The following TAFA2 variants were observed in gnomAD, a reference collection of about 807,000 sequenced individuals.
TAFA2 encodes the protein TAFA chemokine like family member 2.
In TAFA2, 7 loss-of-function variants were observed where a neutral mutation model predicts 18.8. The observed-to-expected ratio is 0.37, with a 90% CI of 0.21 to 0.70. TAFA2 has a LOEUF of 0.70. Among genes scored for constraint, TAFA2 ranks in the 30% least tolerant of loss-of-function variants. TAFA2 has a pLI of 0.53. For synonymous variants in TAFA2, 60 were observed against 54.2 expected (o/e 1.11, Z -0.47); for missense variants, 122 against 158.1 (o/e 0.77, Z 1.23).
At chr12:62,182,426 C>T (rs1267456692) in intron 1 of TAFA2, among the ~76,000 whole-genome samples, 1 of 152,166 alleles carries the variant, frequency 6.6e-6, no homozygotes, top group East Asian at 1.9e-4. Context: ...AGGCTTCCCA[C>T]CTTTTCGAAT....
At chr12:61,989,642 C>A (rs1277052099) in intron 1 of TAFA2, among the ~76,000 whole-genome samples, 2 of 152,280 alleles carry the variant, frequency 1.3e-5, no homozygotes, top group Admixed American at 1.3e-4. Flanking sequence ...GAAGCTGCCA[C>A]TTCTTCCCCC....
intron 1 of TAFA2, among the ~76,000 whole-genome samples, chr12:62,132,182 A>T (rs1047233726): frequency 2.6e-5 from 4 of 151,950 alleles, no homozygotes; most frequent in Non-Finnish European, 5.9e-5. Context: ...AAAATAAACA[A>T]TTCGAGCTCA....
intron 2 of TAFA2, among the ~76,000 whole-genome samples, chr12:61,759,582 C>T (rs1426804529): frequency 6.6e-6 from 1 of 151,948 alleles, no homozygotes; most frequent in African/African-American, 2.4e-5. Context: ...TGTTATAAAC[C>T]TCTAAAATTA....
intron 2 of TAFA2, among the ~76,000 whole-genome samples, chr12:61,861,625 G>C (rs780438236): frequency 6.6e-6 from 1 of 151,904 alleles, no homozygotes; most frequent in African/African-American, 2.4e-5. Flanking sequence ...TATATTTCAC[G>C]GATAGTTGGT....
At chr12:62,124,730 T>G (rs992457879) in intron 1 of TAFA2, among the ~76,000 whole-genome samples, 2 of 152,182 alleles carry the variant, frequency 1.3e-5, no homozygotes, top group Non-Finnish European at 2.9e-5. Flanking sequence ...TAAATACATC[T>G]TAAATCAATC....
At chr12:62,038,484 GAT>G (rs932244301) in intron 1 of TAFA2, among the ~76,000 whole-genome samples, 3 of 152,074 alleles carry the variant, frequency 2.0e-5, no homozygotes, top group Admixed American at 2.0e-4. Flanking sequence ...CATTGTATTA[GAT>G]ATTATAAGTA....
intron 2 of TAFA2, among the ~76,000 whole-genome samples, chr12:61,822,189 C>T (rs1055793827): frequency 1.3e-5 from 2 of 151,920 alleles, no homozygotes; most frequent in African/African-American, 4.8e-5. Flanking sequence ...TTAAAAAATA[C>T]TCATTTTTCT....
chr12:62,244,741 T>G (rs1011163004), intron 1 of TAFA2, among the ~76,000 whole-genome samples: 1 of 152,170 alleles, frequency 6.6e-6, no homozygotes, highest in Non-Finnish European at 1.5e-5. Flanking sequence ...CACTAGATAA[T>G]GTCAAACTTT....
At chr12:62,104,475 A>T (rs987293070) in intron 1 of TAFA2, among the ~76,000 whole-genome samples, 3 of 152,220 alleles carry the variant, frequency 2.0e-5, no homozygotes, top group African/African-American at 7.2e-5. Flanking sequence ...AGAATTAAAA[A>T]CAAAATCTTT....
At chr12:62,062,989 G>A (rs914850031) in intron 1 of TAFA2, among the ~76,000 whole-genome samples, 1 of 151,888 alleles carries the variant, frequency 6.6e-6, no homozygotes, top group Admixed American at 6.6e-5. Context: ...GACCCAACCA[G>A]GGAAAGGTTC....
At chr12:62,044,049 C>A (rs187427164) in intron 1 of TAFA2, among the ~76,000 whole-genome samples, 160 of 152,126 alleles carry the variant, frequency 1.1e-3, no homozygotes, top group African/African-American at 3.4e-3. Flanking sequence ...AATCTGCAAA[C>A]CTTTTTCCAT....
intron 2 of TAFA2, among the ~76,000 whole-genome samples, chr12:61,829,280 C>T (rs1872631178): frequency 6.6e-6 from 1 of 151,602 alleles, no homozygotes; most frequent in Non-Finnish European, 1.5e-5. Flanking sequence ...ATTTGAGAAG[C>T]TTGAACAGTT....
chr12:62,148,579 C>A (rs991401445), intron 1 of TAFA2, among the ~76,000 whole-genome samples: 2 of 152,154 alleles, frequency 1.3e-5, no homozygotes, highest in African/African-American at 4.8e-5. Context: ...AGTTGAAAAA[C>A]TACCTATCAG....
intron 1 of TAFA2, among the ~76,000 whole-genome samples, chr12:62,161,695 T>C (rs1038175984): frequency 6.6e-6 from 1 of 152,226 alleles, no homozygotes; most frequent in East Asian, 1.9e-4. Flanking sequence ...CATAAATTTA[T>C]ACAAATTTCT....
At position 61,863,742 on chromosome 12, in the gene TAFA2, C is replaced by T. The variant is rs371650450; in HGVS notation, c.106+3578G>A. On this transcript the variant is annotated intron_variant, in intron 2 of 4. Transcript: ENST00000416284. ...TTCAGGGCTGTGCACCTTTCCTCCA[C>T]TTGCTGTGAATGTTCTGTGATCACA... Among the ~76,000 whole-genome samples the T allele has an allele frequency of 3.2e-4, 48 of 152,270 alleles. 1 individual carries two copies. The South Asian group carries it at 9.7e-3, about 31-fold the overall frequency.
upstream of TAFA2, chr12:62,192,824 G>A (rs1446924377): frequency 6.6e-6 from 1 of 152,208 alleles, no homozygotes; most frequent in East Asian, 1.9e-4. Flanking sequence ...TAAAAGATGA[G>A]GAGGCAACTG....
intron 1 of TAFA2, among the ~76,000 whole-genome samples, chr12:62,114,476 T>C (rs1300239249): frequency 6.6e-6 from 1 of 152,226 alleles, no homozygotes; most frequent in Non-Finnish European, 1.5e-5. Context: ...TTTTGTCATA[T>C]ATCAATGATT....
At chr12:61,973,669 A>G (rs1290127042) in intron 1 of TAFA2, among the ~76,000 whole-genome samples, 4 of 151,662 alleles carry the variant, frequency 2.6e-5, no homozygotes, top group African/African-American at 9.7e-5. Flanking sequence ...TACAAGTTGG[A>G]AACTACTGTG....
intron 2 of TAFA2, among the ~76,000 whole-genome samples, chr12:61,763,953 TC>T (rs1415959550): frequency 1.3e-5 from 2 of 152,012 alleles, no homozygotes; most frequent in Non-Finnish European, 2.9e-5. Flanking sequence ...ATGTCTCTGT[TC>T]CTTGATCCAA....
Sources: gnomAD v4.1 joint callset for allele counts (sites outside exome capture counted in the v4.1 genomes callset) on GRCh38, gnomAD v4.1.1 for gene constraint, MANE v1.5 for transcripts, NCBI Gene and HGNC (gene_info 2026-07-23, HGNC 2026-07-21) for gene names.